The following ROBO2 variants were observed in gnomAD, a reference collection of about 807,000 sequenced individuals.
ROBO2 encodes the protein roundabout homolog 2.
Under a neutral mutation model 160.8 loss-of-function variants are expected in ROBO2, and 53 were observed. The ratio of observed to expected loss-of-function variants is 0.33; its 90% CI spans 0.26 to 0.41. The LOEUF is 0.41. Among genes scored for constraint, ROBO2 ranks in the 10% least tolerant of loss-of-function variants. The pLI, the probability that ROBO2 is intolerant of heterozygous loss-of-function variation, is 1.00. For missense variants in ROBO2, 1,577 were observed against 1,722.4 expected (o/e 0.92, Z 1.49); for synonymous variants, 664 against 611.7 (o/e 1.09, Z -1.26).
chr3:77,190,327 C>T (rs1427917758), intron 2 of ROBO2, among the ~76,000 whole-genome samples: 1 of 151,904 alleles, frequency 6.6e-6, no homozygotes, highest in Non-Finnish European at 1.5e-5. Flanking sequence ...GCAACTTTTT[C>T]AGAGTTGCAT....
At chr3:77,190,218 T>A (rs76481395) in intron 2 of ROBO2, among the ~76,000 whole-genome samples, 2,838 of 152,034 alleles carry the variant, frequency 0.019, 100 homozygotes, top group African/African-American at 0.064. Flanking sequence ...ATTCCAAACA[T>A]TTATGAAAGA....
chr3:77,000,085 T>G (rs1407776817), intron 2 of ROBO2, among the ~76,000 whole-genome samples: 1 of 152,136 alleles, frequency 6.6e-6, no homozygotes, highest in African/African-American at 2.4e-5. Context: ...CGAGATGACC[T>G]GATTAATGTC....
intron 2 of ROBO2, among the ~76,000 whole-genome samples, chr3:77,213,446 G>A (rs1056417922): frequency 7.9e-5 from 12 of 151,608 alleles, no homozygotes; most frequent in African/African-American, 2.9e-4. Context: ...ATTTTTTATT[G>A]CATCTATTTG....
chr3:77,040,362 G>C (rs890562142), exon 1 of ROBO2: 1 of 1,003,166 alleles, frequency 1.0e-6, no homozygotes, highest in Non-Finnish European at 1.2e-6. Context: ...ATGGTTTTTC[G>C]GCAGCGCGCT....
At chr3:76,821,669 A>C (rs2109140237) in intron 2 of ROBO2, among the ~76,000 whole-genome samples, 1 of 151,908 alleles carries the variant, frequency 6.6e-6, no homozygotes, top group Non-Finnish European at 1.5e-5. Flanking sequence ...ATAATAAAAT[A>C]CCAAAATTAA....
intron 2 of ROBO2, among the ~76,000 whole-genome samples, chr3:76,242,007 G>T (rs1037476696): frequency 6.6e-6 from 1 of 152,100 alleles, no homozygotes; most frequent in African/African-American, 2.4e-5. Context: ...AGAAAGCAAG[G>T]AAAGTGCTGA....
intron 16 of ROBO2, among the ~76,000 whole-genome samples, chr3:77,587,257 C>T (rs1393965380): frequency 4.6e-5 from 7 of 152,046 alleles, no homozygotes; most frequent in East Asian, 1.9e-4. Flanking sequence ...GGCAGTGTTA[C>T]GGATCAGGCC....
At chr3:77,320,703 A>T (rs1224630900) in intron 2 of ROBO2, among the ~76,000 whole-genome samples, 1 of 152,162 alleles carries the variant, frequency 6.6e-6, no homozygotes, top group African/African-American at 2.4e-5. Flanking sequence ...GAAAAAGAAA[A>T]AAGAAAAAAA....
At chr3:75,980,527 C>T (rs2107442954) in intron 2 of ROBO2, among the ~76,000 whole-genome samples, 1 of 151,608 alleles carries the variant, frequency 6.6e-6, no homozygotes, top group South Asian at 2.1e-4. Context: ...TTTCATGCAT[C>T]AGCACCCATG....
At chr3:75,950,694 G>A (rs1408650740) in intron 2 of ROBO2, among the ~76,000 whole-genome samples, 2 of 151,250 alleles carry the variant, frequency 1.3e-5, no homozygotes, top group Non-Finnish European at 3.0e-5. Flanking sequence ...TAGAGCTTAT[G>A]TATTCTCCCC....
intron 1 of ROBO2, among the ~76,000 whole-genome samples, chr3:77,078,785 C>T (rs1401054522): frequency 6.6e-6 from 1 of 152,150 alleles, no homozygotes; most frequent in South Asian, 2.1e-4. Context: ...GCCTCCCACA[C>T]CCCGCAACTC....
intron 1 of ROBO2, among the ~76,000 whole-genome samples, chr3:77,058,956 T>C (rs1421658648): frequency 6.6e-6 from 1 of 152,226 alleles, no homozygotes; most frequent in Non-Finnish European, 1.5e-5. Context: ...TTACTGAGCA[T>C]CTGCAATGTG....
At chr3:77,525,238 GTTTT>G (rs144170880) in intron 6 of ROBO2, among the ~76,000 whole-genome samples, 2,055 of 134,202 alleles carry the variant, frequency 0.015, 42 homozygotes, top group African/African-American at 0.049. Flanking sequence ...TCCACCTGCT[GTTTT>G]TTTTTTTTTT....
intron 2 of ROBO2, among the ~76,000 whole-genome samples, chr3:76,035,006 G>A (rs1000439297): frequency 4.6e-5 from 7 of 152,012 alleles, no homozygotes; most frequent in South Asian, 2.1e-4. Flanking sequence ...TTTAACCTTC[G>A]CTCAATACTG....
chr3:77,417,316 A>G (rs1387446737), intron 2 of ROBO2, among the ~76,000 whole-genome samples: 1 of 150,386 alleles, frequency 6.6e-6, no homozygotes, highest in Non-Finnish European at 1.5e-5. Context: ...CTTGTTATAT[A>G]TTCACAGGCA....
chr3:77,005,828 A>G (rs192794759), intron 2 of ROBO2, among the ~76,000 whole-genome samples: 1 of 152,332 alleles, frequency 6.6e-6, no homozygotes, highest in Admixed American at 6.5e-5. Flanking sequence ...GCAGTGTTCT[A>G]GTCTGAATTG....
intron 2 of ROBO2, among the ~76,000 whole-genome samples, chr3:76,544,670 T>C (rs1314280257): frequency 1.3e-5 from 2 of 152,002 alleles, no homozygotes; most frequent in Non-Finnish European, 2.9e-5. Flanking sequence ...GGAGTCAAAC[T>C]TCCTAGATTC....
chr3:76,367,626 T>C lies in ROBO2; in HGVS notation c.109+430024T>C, dbSNP rs1382483470. Among the ~76,000 whole-genome samples, 6 of 151,982 alleles carry C rather than the reference T, an allele frequency of 3.9e-5. No homozygotes were observed. In the South Asian group the frequency reaches 6.2e-4, roughly 16 times the overall value. ...GAAACTACACAAAAATGAAGGAAAA[T>C]GGACCATGTGGAGCTTTTTATACCA... On this transcript the variant is annotated intron_variant, in intron 2 of 26. Transcript: ENST00000487694.
At chr3:76,322,176 A>ATG in intron 2 of ROBO2, among the ~76,000 whole-genome samples, 1 of 47,418 alleles carries the variant, frequency 2.1e-5, no homozygotes, top group East Asian at 5.0e-4. Context: ...ATATATATAT[A>ATG]TATATATATA....
Sources: allele counts gnomAD v4.1 joint callset (sites outside exome capture counted in the v4.1 genomes callset), GRCh38; gene constraint gnomAD v4.1.1; transcripts MANE v1.5; gene names NCBI Gene and HGNC (gene_info 2026-07-23, HGNC 2026-07-21).